Variants in PIDD1 observed in about 807,000 individuals in gnomAD.
PIDD1 encodes the protein p53-induced death domain protein 1.
Under a neutral mutation model 80.0 loss-of-function variants are expected in PIDD1, and 72 were observed. That is an observed-to-expected ratio of 0.90 (90% CI 0.74 to 1.09). The LOEUF (loss-of-function observed/expected upper bound fraction) is 1.09. Ranked by LOEUF, PIDD1 falls within the 50% of genes least tolerant of loss-of-function variation. The pLI is 0.00. For synonymous variants in PIDD1, 655 were observed against 543.5 expected (o/e 1.21, Z -2.85); for missense variants, 1,329 against 1,228.3 (o/e 1.08, Z -1.23).
Position 802,269 on chromosome 11 carries a change from C to A in PIDD1, c.1102G>T (p.Val368Phe), listed in dbSNP as rs377157244. 6.2e-7 allele frequency: 1 copy of A among 1,611,738 alleles called. No individual in the cohort carries two copies. The highest frequency in any genetic ancestry group is 1.3e-5 in the African/African-American group (1 of 75,010). Residue 368 changes from valine to phenylalanine, a missense_variant, in exon 6 of 16, where the codon GTC becomes TTC. Physicochemically the swap from Val to Phe is conservative, Grantham distance 50. Coordinates refer to ENST00000347755, the MANE Select transcript of PIDD1 (RefSeq NM_145886.4). ...AGGGCGTCATGAGGACCCAGGGGGA[C>A]GAGGCCTGGCTCCGGCAGCAGCAGC... ...YRLLLPEPGL[V>F]PLGPHDALLS...
intron 5 of PIDD1, 71 bp downstream of exon 5, chr11:802,472 G>C: frequency 6.2e-7 from 1 of 1,600,920 alleles, no homozygotes; most frequent in Non-Finnish European, 8.6e-7. Context: ...AGGAACTCTG[G>C]AGAAGGTGTC....
intron 2 of PIDD1, 154 bp downstream of exon 2, chr11:803,940 C>T (rs750201023): frequency 1.2e-6 from 1 of 854,282 alleles, no homozygotes; most frequent in Non-Finnish European, 1.8e-6. Context: ...GGCGATGGGG[C>T]TGGACAGGAC....
At chr11:802,938 C>A (rs760964821) in intron 3 of PIDD1, 47 bp from the exon 4 acceptor site, 3 of 1,458,492 alleles carry the variant, frequency 2.1e-6, no homozygotes, top group Non-Finnish European at 9.4e-7. Flanking sequence ...CAGCCCACGG[C>A]GCTGGGACAC....
Position 802,907 on chromosome 11 carries a change from G to A in PIDD1, c.710-16C>T, listed in dbSNP as rs1270104468. On this transcript the variant is annotated splice_polypyrimidine_tract_variant and intron_variant, in intron 3 of 15. Transcript: ENST00000347755. The stretch of plus-strand genomic sequence containing the variant: ...CGAAGTCCCGCTGCGGGCAGTTGCT[G>A]GCTTAGGCTTGGCACCAGCCCAGCC... 4 of 1,548,248 alleles carry A rather than the reference G, an allele frequency of 2.6e-6. No homozygotes were observed. The highest frequency in any genetic ancestry group is 3.5e-6 in the Non-Finnish European group (4 of 1,145,632).
Position 802,094 on chromosome 11 carries a change from C to G in PIDD1, c.1177-4G>C. 3 of 1,575,998 alleles carry G rather than the reference C, an allele frequency of 1.9e-6. No individual in the cohort carries two copies. In the East Asian group the frequency reaches 6.9e-5, roughly 37 times the overall value. On this transcript the variant is annotated splice_region_variant and splice_polypyrimidine_tract_variant and intron_variant, in intron 6 of 15. Coordinates refer to ENST00000347755, the MANE Select transcript of PIDD1 (RefSeq NM_145886.4). ...AGAGCAGCCACAGCCCCACATCCTG[C>G]CAGACAAGGATGGTGTGAGCACTGG...
upstream of PIDD1, chr11:805,601 C>G: frequency 1.0e-6 from 1 of 984,706 alleles, no homozygotes; most frequent in Non-Finnish European, 1.2e-6. Context: ...ACTCTTGCCG[C>G]TGCCCCGCAC....
At position 802,275 on chromosome 11, in the gene PIDD1, C is replaced by A; in HGVS notation, c.1096G>T (p.Gly366Cys). ...IRYRLLLPEP[G>C]LVPLGPHDAL... ...TCATGAGGACCCAGGGGGACGAGGC[C>A]TGGCTCCGGCAGCAGCAGCCGATAG... Residue 366 changes from glycine to cysteine, a missense_variant, in exon 6 of 16, where the codon GGC (glycine) becomes TGC (cysteine). By Grantham distance (159) the Gly-to-Cys change is radical. Transcript: ENST00000347755. The A allele has an allele frequency of 6.2e-7, 1 of 1,611,896 alleles. No homozygotes were observed. Among genetic ancestry groups the A allele is most frequent in the Non-Finnish European group, 8.5e-7 (1 of 1,179,576 alleles).
At chr11:801,419 C>A in intron 8 of PIDD1, 26 bp downstream of exon 8, 1 of 1,568,980 alleles carries the variant, frequency 6.4e-7, no homozygotes. Context: ...CGCGGCCTGC[C>A]ACCCTCAGTG....
chr11:800,486 C>T (rs7117921), intron 12 of PIDD1, 35 bp from the exon 13 acceptor site: 807,833 of 1,603,908 alleles, frequency 0.5, 211,675 homozygotes, highest in Admixed American at 0.63. Flanking sequence ...AAGGAGGGCT[C>T]GGGGAGGACG....
At chr11:803,133 C>T (rs760073339) in intron 3 of PIDD1, 41 bp downstream of exon 3, 1 of 1,431,488 alleles carries the variant, frequency 7.0e-7, no homozygotes, top group Non-Finnish European at 9.6e-7. Context: ...TTCAGGGACC[C>T]TCCCGTGGGG....
chr11:800,729 AC>A, intron 11 of PIDD1, 32 bp downstream of exon 11: 1 of 1,545,680 alleles, frequency 6.5e-7, no homozygotes. Flanking sequence ...CCCTCTGGTC[AC>A]CACCCTGCTG....
At chr11:805,740 G>A, upstream of PIDD1, 5 of 946,566 alleles carry the variant, frequency 5.3e-6, no homozygotes, top group Non-Finnish European at 6.3e-6. Context: ...CCATCACTCT[G>A]GGCCAGAAGC....
chr11:808,391 C>T (rs1016000150), upstream of PIDD1, among the ~76,000 whole-genome samples: 3 of 150,694 alleles, frequency 2.0e-5, no homozygotes, highest in Non-Finnish European at 4.4e-5. Context: ...CTCACCAGTG[C>T]ACTCCAACCT....
At position 802,869 on chromosome 11, in the gene PIDD1, G is replaced by T. The variant is rs753893387; in HGVS notation, c.732C>A (p.Leu244=). 1.3e-6 allele frequency: 2 copies of T among 1,574,794 alleles called. No homozygotes were observed. The highest frequency in any genetic ancestry group is 1.3e-5 in the African/African-American group (1 of 74,386). Residue 244 remains leucine, a synonymous_variant, in exon 4 of 16, where the codon CTC becomes CTA. Transcript: ENST00000347755. Reference sequence around the variant, plus strand: ...CCAGGAGGTTGCTGTGCAGGACAAGGAGCCGCAAGGACCGAAGTCCCGCTG... The same window carrying T: ...CCAGGAGGTTGCTGTGCAGGACAAGTAGCCGCAAGGACCGAAGTCCCGCTG... ...ASLAGLRSLR[L]LVLHSNLLAS...
At chr11:808,175 C>T (rs1865876016), upstream of PIDD1, among the ~76,000 whole-genome samples, 1 of 151,986 alleles carries the variant, frequency 6.6e-6, no homozygotes, top group East Asian at 1.9e-4. Context: ...GCCTGTAATC[C>T]CAGCACTTTG....
chr11:800,863 T>G lies in PIDD1; in HGVS notation c.1816A>C (p.Lys606Gln). 6.3e-7 allele frequency: 1 copy of G among 1,580,044 alleles called. No individual in the cohort carries two copies. Among genetic ancestry groups the G allele is most frequent in the Non-Finnish European group, 8.6e-7 (1 of 1,163,740 alleles). ...TGCAGCCGCAGCCGCTCCCAGGCCT[T>G]CCGAGCCAGGCCTCCCACACAGTTC... The part of the protein sequence containing the change: ...TKNCVGGLAR[K>Q]AWERLRLHRV... Residue 606 changes from lysine (K) to glutamine (Q), a missense_variant, in exon 11 of 16, where the codon AAG (lysine) becomes CAG (glutamine). Transcript: ENST00000347755.
upstream of PIDD1, chr11:805,307 G>A (rs12283335): frequency 3.2e-3 from 2,435 of 753,290 alleles, 7 homozygotes; most frequent in Non-Finnish European, 3.7e-3. Flanking sequence ...CTCGGGACGC[G>A]CCCCCTCCGC....
intron 5 of PIDD1, 23 bp downstream of exon 5, chr11:802,520 A>C (rs976888479): frequency 6.2e-7 from 1 of 1,612,060 alleles, no homozygotes; most frequent in Non-Finnish European, 8.5e-7. Context: ...ACTCCCCTCC[A>C]GCCCCCTCAA....
upstream of PIDD1, chr11:806,098 G>GA (rs780270179): frequency 0.078 from 7,720 of 98,362 alleles, 303 homozygotes; most frequent in African/African-American, 0.092. Flanking sequence ...GACTCCGTCT[G>GA]AAAAAAAAAA....
Sources: gnomAD v4.1 joint callset for allele counts (sites outside exome capture counted in the v4.1 genomes callset) on GRCh38, gnomAD v4.1.1 for gene constraint, MANE v1.5 for transcripts, NCBI Gene and HGNC (gene_info 2026-07-23, HGNC 2026-07-21) for gene names.